Variants in RBM46 observed in about 807,000 individuals in gnomAD.
RBM46 encodes probable RNA-binding protein 46.
In RBM46, 12 loss-of-function variants were observed where a neutral mutation model predicts 43.3. That is an observed-to-expected ratio of 0.28 (90% confidence interval 0.18 to 0.45). The LOEUF (loss-of-function observed/expected upper bound fraction) is 0.45. Among genes scored for constraint, RBM46 ranks in the 20% least tolerant of loss-of-function variants. The probability of loss-of-function intolerance (pLI) is 1.00; values close to 1 mark genes in which losing one functional copy is unlikely to be tolerated. For synonymous variants in RBM46, 205 were observed against 207.6 expected, an observed-to-expected ratio of 0.99 and a Z score of 0.11; for missense variants, 412 against 639.1, an observed-to-expected ratio of 0.64 and a Z score of 3.83.
intron 1 of RBM46, among the ~76,000 whole-genome samples, chr4:154,789,560 G>A (rs981509341): frequency 1.3e-5 from 2 of 152,146 alleles, no homozygotes; most frequent in African/African-American, 4.8e-5. Context: ...TTGATGTGCT[G>A]CTGGATTCGG....
chr4:154,799,982 A>G (rs1734548296), intron 4 of RBM46, among the ~76,000 whole-genome samples: 1 of 152,074 alleles, frequency 6.6e-6, no homozygotes, highest in Non-Finnish European at 1.5e-5. Flanking sequence ...TGTGTTAGCT[A>G]GGATGGTCTC....
At chr4:154,823,471 T>C (rs1181003705) in intron 4 of RBM46, among the ~76,000 whole-genome samples, 1 of 151,804 alleles carries the variant, frequency 6.6e-6, no homozygotes, top group Non-Finnish European at 1.5e-5. Flanking sequence ...AATGAAAAAT[T>C]AGTCTAAAGA....
At chr4:154,794,822 T>G (rs1734271868) in intron 1 of RBM46, among the ~76,000 whole-genome samples, 1 of 152,178 alleles carries the variant, frequency 6.6e-6, no homozygotes. Flanking sequence ...CTTGTCAACC[T>G]TCCACTGACC....
chr4:154,804,814 G>GTT (rs575968520), intron 4 of RBM46, among the ~76,000 whole-genome samples: 1,520 of 113,096 alleles, frequency 0.013, 12 homozygotes, highest in Non-Finnish European at 0.022. Context: ...GATTAAGGTT[G>GTT]TTTTTTTTTT....
At chr4:154,788,881 C>G (rs914848331) in intron 1 of RBM46, among the ~76,000 whole-genome samples, 1 of 152,118 alleles carries the variant, frequency 6.6e-6, no homozygotes, top group Non-Finnish European at 1.5e-5. Flanking sequence ...TATAGTTCTC[C>G]TTGAAGAGGT....
At chr4:154,801,296 T>G (rs554074011) in intron 4 of RBM46, among the ~76,000 whole-genome samples, 5 of 152,250 alleles carry the variant, frequency 3.3e-5, no homozygotes, top group African/African-American at 1.2e-4. Context: ...GCAAAACTTG[T>G]GGGACTAAAG....
chr4:154,791,759 C>T (rs1311008579), intron 1 of RBM46, among the ~76,000 whole-genome samples: 1 of 151,926 alleles, frequency 6.6e-6, no homozygotes, highest in African/African-American at 2.4e-5. Flanking sequence ...TTCTTTGTGG[C>T]AATATTATAA....
chr4:154,785,244 A>T (rs1560887873), intron 1 of RBM46, among the ~76,000 whole-genome samples: 1 of 152,044 alleles, frequency 6.6e-6, no homozygotes, highest in East Asian at 1.9e-4. Context: ...GGAGCCTTTA[A>T]TGTGTATGGA....
chr4:154,802,201 A>G (rs556279339), intron 4 of RBM46, among the ~76,000 whole-genome samples: 1 of 152,332 alleles, frequency 6.6e-6, no homozygotes, highest in Non-Finnish European at 1.5e-5. Context: ...ATGTAAGTGA[A>G]GATTGTTGAG....
At chr4:154,804,624 A>G (rs1456065141) in intron 4 of RBM46, among the ~76,000 whole-genome samples, 4 of 152,198 alleles carry the variant, frequency 2.6e-5, no homozygotes, top group Admixed American at 1.3e-4. Context: ...ATAATTTATT[A>G]GCAAATAATT....
chr4:154,817,197 T>C (rs1735485539), intron 4 of RBM46, among the ~76,000 whole-genome samples: 1 of 152,142 alleles, frequency 6.6e-6, no homozygotes, highest in Non-Finnish European at 1.5e-5. Flanking sequence ...AGATTGGTGT[T>C]ACATCGTTTT....
chr4:154,789,343 G>A lies in RBM46; in HGVS notation c.-11-7399G>A, dbSNP rs185516535. Among the ~76,000 whole-genome samples, 59 of 152,244 alleles carry A rather than the reference G, an allele frequency of 3.9e-4. 1 individual carries two copies. Among genetic ancestry groups the A allele is most frequent in the Admixed American group, 1.9e-3 (29 of 15,292 alleles). ...TAAATAGCTCATTATTTTGAGATAC[G>A]TCCCATCAATACCTAATTTATTGAG... On this transcript the variant is annotated intron_variant, in intron 1 of 4. Transcript: ENST00000281722.
At chr4:154,795,220 TATAGACAGGTAAAC>T (rs1425988878) in intron 1 of RBM46, among the ~76,000 whole-genome samples, 3 of 152,178 alleles carry the variant, frequency 2.0e-5, no homozygotes, top group Non-Finnish European at 4.4e-5. Flanking sequence ...ATCTACTTAT[TATAGACAGGTAAAC>T]ATAGGCATTG....
At chr4:154,813,037 T>C (rs1007344547) in intron 4 of RBM46, among the ~76,000 whole-genome samples, 5 of 152,204 alleles carry the variant, frequency 3.3e-5, no homozygotes, top group African/African-American at 1.2e-4. Flanking sequence ...TTTGTTGTTA[T>C]TCCCTGCATT....
At chr4:154,798,411 A>G (rs565173448) in intron 3 of RBM46, 133 bp downstream of exon 3, 12 of 619,532 alleles carry the variant, frequency 1.9e-5, no homozygotes, top group Non-Finnish European at 3.2e-5. Context: ...GTAATGAAGT[A>G]AAATAAATTA....
At chr4:154,793,852 G>A (rs1734219073) in intron 1 of RBM46, among the ~76,000 whole-genome samples, 1 of 152,102 alleles carries the variant, frequency 6.6e-6, no homozygotes, top group African/African-American at 2.4e-5. Flanking sequence ...ATTTCTTATG[G>A]TCTCATTTCT....
intron 4 of RBM46, among the ~76,000 whole-genome samples, chr4:154,817,331 C>CTT (rs58860836): frequency 6.3e-5 from 8 of 126,416 alleles, no homozygotes; most frequent in East Asian, 2.3e-4. Context: ...TTTTCTCTTT[C>CTT]TTTTTTTTTT....
intron 1 of RBM46, chr4:154,790,599 G>T (rs1734035858): frequency 1.3e-5 from 2 of 152,144 alleles, no homozygotes; most frequent in African/African-American, 4.8e-5. Context: ...AGATTGTATT[G>T]ATGGGTAGAT....
intron 1 of RBM46, among the ~76,000 whole-genome samples, chr4:154,788,378 G>C (rs1733895273): frequency 6.6e-6 from 1 of 152,150 alleles, no homozygotes; most frequent in African/African-American, 2.4e-5. Context: ...GTGTAAGGAA[G>C]GGATCCAGTT....
Sources: gnomAD v4.1 joint callset for allele counts (sites outside exome capture counted in the v4.1 genomes callset) on GRCh38, gnomAD v4.1.1 for gene constraint, MANE v1.5 for transcripts, NCBI Gene and HGNC (gene_info 2026-07-23, HGNC 2026-07-21) for gene names.